The following BMPR2 variants were observed in gnomAD, a reference collection of about 807,000 sequenced individuals.
BMPR2 encodes bone morphogenetic protein receptor type 2.
In BMPR2, 29 loss-of-function variants were observed where a neutral mutation model predicts 100.8. The ratio of observed to expected loss-of-function variants is 0.29; its 90% CI spans 0.21 to 0.39. The LOEUF (loss-of-function observed/expected upper bound fraction) is 0.39. Among genes scored for constraint, BMPR2 ranks in the 10% least tolerant of loss-of-function variants. The pLI, the probability that BMPR2 is intolerant of heterozygous loss-of-function variation, is 1.00. For synonymous variants in BMPR2, 382 were observed against 442.3 expected (o/e 0.86, Z 1.71); for missense variants, 1,011 against 1,274.5 (o/e 0.79, Z 3.15).
At chr2:202,509,871 G>C (rs1280342391) in intron 3 of BMPR2, among the ~76,000 whole-genome samples, 2 of 151,912 alleles carry the variant, frequency 1.3e-5, no homozygotes, top group Non-Finnish European at 2.9e-5. Flanking sequence ...CAGTTCTTTT[G>C]GGAATTATAA....
intron 1 of BMPR2, among the ~76,000 whole-genome samples, chr2:202,412,183 ATG>A (rs1218932704): frequency 1.3e-5 from 2 of 152,174 alleles, no homozygotes; most frequent in Non-Finnish European, 2.9e-5. Flanking sequence ...ACACATGCGT[ATG>A]TGTCTCTAAT....
At chr2:202,510,707 G>C (rs531274566) in intron 3 of BMPR2, among the ~76,000 whole-genome samples, 7 of 151,954 alleles carry the variant, frequency 4.6e-5, no homozygotes, top group African/African-American at 1.7e-4. Context: ...TTGAGACGGA[G>C]TCTTGCTTTC....
In BMPR2 at chr2:202,555,775, T is replaced by C. The variant is rs755086585; in HGVS notation, c.2110T>C (p.Ser704Pro). The C allele has an allele frequency of 6.2e-7, 1 of 1,614,078 alleles. No homozygotes were observed. The highest frequency in any genetic ancestry group is 8.5e-7 in the Non-Finnish European group (1 of 1,180,034). ...SGPDPLSSTS[S>P]SLLYPLIKLA... ...CCCAGACCCACTGAGCAGTACTAGT[T>C]CTAGCTTGCTTTACCCACTCATAAA... The change falls in exon 12 of 13, where the codon TCT (serine) becomes CCT (proline). Residue 704 changes from serine to proline, a missense_variant. Ser to Pro is a moderately conservative substitution (Grantham distance 74, BLOSUM62 -1). Around this residue, in one of 6 missense-constraint regions of BMPR2, gnomAD observed 508 missense variants for 552.0 expected, o/e 0.92. Coordinates refer to ENST00000374580, the MANE Select transcript of BMPR2 (RefSeq NM_001204.7).
At chr2:202,474,328 T>C (rs1005607020) in intron 3 of BMPR2, among the ~76,000 whole-genome samples, 6 of 150,930 alleles carry the variant, frequency 4.0e-5, no homozygotes, top group Non-Finnish European at 8.9e-5. Flanking sequence ...TGGTGGCATG[T>C]GCCTGCAGTC....
chr2:202,528,854 A>C (rs982112807), intron 7 of BMPR2, among the ~76,000 whole-genome samples: 3 of 152,164 alleles, frequency 2.0e-5, no homozygotes, highest in Non-Finnish European at 4.4e-5. Context: ...ATACTATACT[A>C]TTTTTACTTG....
In BMPR2 at chr2:202,442,281, C is replaced by G. The variant is rs530175407; in HGVS notation, c.77-22528C>G. Among the ~76,000 whole-genome samples, 7 of 150,590 alleles carry G rather than the reference C, an allele frequency of 4.6e-5. No individual in the cohort carries two copies. In the South Asian group the frequency reaches 1.2e-3, roughly 27 times the overall value. ...TTCTTTTCCACACACACTCCCCTAT[C>G]CCAGCTGTAGGTAAGTACTAGTTTA... On this transcript the variant is annotated intron_variant, in intron 1 of 12. Transcript: ENST00000374580.
At chr2:202,538,531 C>A (rs1688207267) in intron 9 of BMPR2, among the ~76,000 whole-genome samples, 1 of 152,028 alleles carries the variant, frequency 6.6e-6, no homozygotes, top group African/African-American at 2.4e-5. Context: ...GTGGCTCACA[C>A]CTGTAATCCC....
chr2:202,557,461 TCAAACA>T lies in BMPR2; in HGVS notation c.2866+933_2866+938del, dbSNP rs776322090. 2.0e-3 allele frequency among the ~76,000 whole-genome samples: 214 copies of T among 104,954 alleles called. 1 individual carries two copies. The highest frequency in any genetic ancestry group is 9.0e-3 in the Admixed American group (85 of 9,480). The allele number at this position is 104,954 out of a possible 152,430, so 68.9% of individuals were successfully genotyped here. A position where few individuals can be genotyped will look rare whatever the true frequency, so the allele number is the denominator to read the frequency against. On this transcript the variant is annotated intron_variant, in intron 12 of 12. Transcript: ENST00000374580. ...CTGGGTGACAGAATGAAACTCTGTCTCAAACACACACACACACACACACACACACAC... is the reference window on the plus strand; with the variant it reads ...CTGGGTGACAGAATGAAACTCTGTCTCACACACACACACACACACACACAC...
intron 1 of BMPR2, among the ~76,000 whole-genome samples, chr2:202,404,188 TG>T (rs1690832012): frequency 6.7e-6 from 1 of 149,240 alleles, no homozygotes; most frequent in African/African-American, 2.5e-5. Context: ...CTTGTTTCTT[TG>T]GGTTGTTTTT....
In BMPR2 at chr2:202,425,256, C is replaced by T. The variant is rs142465208; in HGVS notation, c.77-39553C>T. ...TGAGTCAGGACTACCCCTATCTTCACCCCTTGCCCCAGCCAGAATAGATTC... is the reference window on the plus strand; with the variant it reads ...TGAGTCAGGACTACCCCTATCTTCATCCCTTGCCCCAGCCAGAATAGATTC... On this transcript the variant is annotated intron_variant, in intron 1 of 12. Coordinates refer to ENST00000374580, the MANE Select transcript of BMPR2 (RefSeq NM_001204.7). Among the ~76,000 whole-genome samples the T allele has an allele frequency of 3.7e-3, 560 of 152,282 alleles. 3 individuals carry two copies. The highest frequency in any genetic ancestry group is 0.011 in the African/African-American group (464 of 41,560).
intron 10 of BMPR2, among the ~76,000 whole-genome samples, chr2:202,552,282 G>A (rs1172463126): frequency 3.3e-5 from 5 of 152,166 alleles, no homozygotes; most frequent in Non-Finnish European, 5.9e-5. Flanking sequence ...GAGCCACTGC[G>A]CCCAACCAAG....
intron 1 of BMPR2, among the ~76,000 whole-genome samples, chr2:202,458,935 A>G (rs1692173972): frequency 1.3e-5 from 2 of 152,226 alleles, no homozygotes; most frequent in Non-Finnish European, 2.9e-5. Flanking sequence ...CTTGCATGCA[A>G]TATCTTGAAG....
chr2:202,529,376 G>A (rs1687976592), intron 7 of BMPR2, among the ~76,000 whole-genome samples: 1 of 152,206 alleles, frequency 6.6e-6, no homozygotes, highest in Admixed American at 6.5e-5. Flanking sequence ...ATTAAAATGA[G>A]TACAGAGGGG....
intron 1 of BMPR2, among the ~76,000 whole-genome samples, chr2:202,439,339 G>A (rs1691683554): frequency 6.9e-6 from 1 of 145,008 alleles, no homozygotes; most frequent in Non-Finnish European, 1.5e-5. Flanking sequence ...ACTTTTATTA[G>A]CTCTAGTAAT....
rs2105716291 is a variant in BMPR2, at chr2:202,559,904, T to C, written c.3075T>C (p.Ala1025=). ...TTTACCTTGCAGAAGGAGGCACTGC[T>C]ACAACCATGGTGTCTAAAGATATAG... ...TAVYLAEGGT[A]TTMVSKDIGM... The change falls in exon 13 of 13, where the codon GCT becomes GCC. Residue 1025 remains alanine, a synonymous_variant. Transcript: ENST00000374580. 6.2e-7 allele frequency: 1 copy of C among 1,614,194 alleles called. No homozygotes were observed.
intron 1 of BMPR2, among the ~76,000 whole-genome samples, chr2:202,390,290 T>G (rs1316695052): frequency 6.6e-6 from 1 of 152,036 alleles, no homozygotes; most frequent in Non-Finnish European, 1.5e-5. Flanking sequence ...GGTTGTACTG[T>G]CATTTCTACC....
Position 202,518,865 on chromosome 2 carries a change from T to C in BMPR2, c.665T>C (p.Leu222Ser). 1 of 1,614,226 alleles carries C rather than the reference T, an allele frequency of 6.2e-7. No homozygotes were observed. The highest frequency in any genetic ancestry group is 8.5e-7 in the Non-Finnish European group (1 of 1,180,040). Residue 222 changes from leucine (L) to serine (S), a missense_variant, in exon 6 of 13, where the codon TTG (leucine) becomes TCG (serine). Physicochemically the swap from Leu to Ser is moderately radical, Grantham distance 145. Around this residue, in one of 6 missense-constraint regions of BMPR2, gnomAD observed 355 missense variants for 455.3 expected, o/e 0.78. Transcript: ENST00000374580. ...TATGGAGCAGTATATAAAGGCTCCT[T>C]GGATGAGCGTCCAGTTGCTGTAAAA... ...GRYGAVYKGS[L>S]DERPVAVKVF...
chr2:202,421,210 C>T (rs975151051), intron 1 of BMPR2, among the ~76,000 whole-genome samples: 6 of 150,968 alleles, frequency 4.0e-5, no homozygotes, highest in African/African-American at 1.5e-4. Flanking sequence ...GAGATAGTGC[C>T]ATTGCACACC....
chr2:202,378,344 CA>C (rs1388734883), intron 1 of BMPR2, among the ~76,000 whole-genome samples: 1 of 152,044 alleles, frequency 6.6e-6, no homozygotes, highest in Non-Finnish European at 1.5e-5. Flanking sequence ...ACTATTTTTT[CA>C]AGCAGCCTTT....
Sources: gnomAD v4.1 joint callset for allele counts (sites outside exome capture counted in the v4.1 genomes callset) on GRCh38, gnomAD v4.1.1 for gene constraint, gnomAD v4.1.1 regional missense constraint, MANE v1.5 for transcripts, NCBI Gene and HGNC (gene_info 2026-07-23, HGNC 2026-07-21) for gene names.